ACO1: variants seen among roughly 807,000 people sequenced by gnomAD.
The protein encoded by ACO1 is cytoplasmic aconitate hydratase.
ACO1 carries 78 observed loss-of-function variants against 105.1 expected under a neutral mutation model. That is an observed-to-expected ratio of 0.74 (90% CI 0.62 to 0.90). ACO1 has a LOEUF of 0.90. ACO1 is among the 40% of genes least tolerant of loss of function. The pLI is 0.00. For synonymous variants in ACO1, 364 were observed against 397.4 expected (o/e 0.92, Z 1.00); for missense variants, 965 against 1,111.1 (o/e 0.87, Z 1.87).
chr9:32,444,222 C>T (rs1822548362), intron 19 of ACO1, among the ~76,000 whole-genome samples: 1 of 152,190 alleles, frequency 6.6e-6, no homozygotes, highest in Non-Finnish European at 1.5e-5. Context: ...GTCTATCAAT[C>T]ATTGATGGGC....
chr9:32,426,979 TAA>T (rs35503711), intron 11 of ACO1, among the ~76,000 whole-genome samples: 2,323 of 150,938 alleles, frequency 0.015, 61 homozygotes, highest in African/African-American at 0.054. Context: ...ATTTTCCCTC[TAA>T]AAAAAAAATT....
At chr9:32,448,684 C>G (rs1822679321) in intron 19 of ACO1, among the ~76,000 whole-genome samples, 2 of 152,230 alleles carry the variant, frequency 1.3e-5, no homozygotes, top group African/African-American at 2.4e-5. Context: ...ATGGGCTGCA[C>G]CCACTGTCCA....
At chr9:32,385,186 GA>G (rs1263068730) in intron 1 of ACO1, among the ~76,000 whole-genome samples, 1 of 152,240 alleles carries the variant, frequency 6.6e-6, no homozygotes, top group African/African-American at 2.4e-5. Flanking sequence ...AAAATGGGAT[GA>G]GGGGGAAGAG....
chr9:32,421,456 C>T (rs564475296), intron 8 of ACO1, among the ~76,000 whole-genome samples: 1 of 152,050 alleles, frequency 6.6e-6, no homozygotes, highest in South Asian at 2.1e-4. Context: ...GTGTTCATAC[C>T]CAAGGCTAAT....
intron 20 of ACO1, 43 bp downstream of exon 20, chr9:32,449,124 C>A (rs763035652): frequency 6.5e-7 from 1 of 1,534,156 alleles, no homozygotes; most frequent in Non-Finnish European, 8.7e-7. Flanking sequence ...CGAAAGGGGC[C>A]CCCTCGTTTG....
intron 1 of ACO1, among the ~76,000 whole-genome samples, chr9:32,400,485 T>C (rs1351385158): frequency 1.3e-5 from 2 of 152,176 alleles, no homozygotes; most frequent in Non-Finnish European, 2.9e-5. Context: ...TCTTCACAGC[T>C]CTTTCTCTCT....
chr9:32,443,669 C>T (rs77465798), intron 19 of ACO1, among the ~76,000 whole-genome samples: 3,113 of 152,186 alleles, frequency 0.02, 53 homozygotes, highest in Middle Eastern at 0.041. Context: ...CGCTTTATAA[C>T]GGAAGTCATT....
chr9:32,449,112 G>A, intron 20 of ACO1, 31 bp downstream of exon 20: 1 of 1,553,134 alleles, frequency 6.4e-7, no homozygotes, highest in Non-Finnish European at 8.7e-7. Flanking sequence ...GCCAGGCCCT[G>A]TCGAAAGGGG....
At chr9:32,396,355 T>C (rs1222237123) in intron 1 of ACO1, among the ~76,000 whole-genome samples, 1 of 152,166 alleles carries the variant, frequency 6.6e-6, no homozygotes, top group Admixed American at 6.5e-5. Context: ...GTAGGGACTT[T>C]GATAAACTAC....
At chr9:32,395,828 A>G (rs1162400216) in intron 1 of ACO1, among the ~76,000 whole-genome samples, 1 of 152,254 alleles carries the variant, frequency 6.6e-6, no homozygotes, top group Non-Finnish European at 1.5e-5. Context: ...CAGTGACACT[A>G]AAAAGTAAAA....
rs577962329 is a variant in ACO1 at position 32,442,853 on chromosome 9, A to G, written c.2370+2266A>G. Among the ~76,000 whole-genome samples the G allele has an allele frequency of 2.6e-5, 4 of 152,340 alleles. No homozygotes were observed. In the South Asian group the frequency reaches 8.3e-4, roughly 32 times the overall value. On this transcript the variant is annotated intron_variant, in intron 19 of 20. Coordinates refer to ENST00000309951, the MANE Select transcript of ACO1 (RefSeq NM_002197.3). ...CTGACTCCCTGGGTAAAGGGGGACA[A>G]TAAGGGCATCTACATCCCCGGGTTA...
At chr9:32,387,748 G>C (rs1232075323) in intron 1 of ACO1, among the ~76,000 whole-genome samples, 1 of 152,192 alleles carries the variant, frequency 6.6e-6, no homozygotes, top group Non-Finnish European at 1.5e-5. Context: ...CTCTGGTGTT[G>C]AAGCACGAAA....
At chr9:32,435,069 C>T (rs1296577300) in intron 17 of ACO1, among the ~76,000 whole-genome samples, 3 of 152,186 alleles carry the variant, frequency 2.0e-5, no homozygotes, top group African/African-American at 7.2e-5. Flanking sequence ...GTTGAGAAAC[C>T]TAACGTTTAC....
intron 1 of ACO1, among the ~76,000 whole-genome samples, chr9:32,397,339 G>A (rs990329568): frequency 6.6e-6 from 1 of 152,138 alleles, no homozygotes; most frequent in Non-Finnish European, 1.5e-5. Flanking sequence ...ATAGGTTTTT[G>A]TTTTATGAAC....
intron 8 of ACO1, among the ~76,000 whole-genome samples, chr9:32,421,621 C>G (rs556791047): frequency 6.6e-6 from 1 of 152,146 alleles, no homozygotes; most frequent in South Asian, 2.1e-4. Context: ...CCAAGGCAGG[C>G]AGATCTGACC....
intron 15 of ACO1, among the ~76,000 whole-genome samples, chr9:32,432,948 C>A (rs775362612): frequency 2.6e-5 from 4 of 152,108 alleles, no homozygotes; most frequent in Non-Finnish European, 5.9e-5. Flanking sequence ...GATCAAGTTC[C>A]TCAAGGGCTG....
intron 1 of ACO1, among the ~76,000 whole-genome samples, chr9:32,398,012 CAAACAAA>C (rs903319394): frequency 2.6e-5 from 4 of 152,078 alleles, no homozygotes; most frequent in African/African-American, 9.7e-5. Flanking sequence ...CCAAAACAAA[CAAACAAA>C]AAACAAATTC....
At chr9:32,430,685 A>T in intron 14 of ACO1, 111 bp downstream of exon 14, 1 of 1,204,000 alleles carries the variant, frequency 8.3e-7, no homozygotes, top group Non-Finnish European at 1.1e-6. Flanking sequence ...CAGGGATAAG[A>T]CAAAGAAGAG....
rs1420609366 is a variant in ACO1, at chr9:32,430,492, C to T, written c.1644C>T (p.Ala548=). ...FEGRVHPNTR[A]NYLASPPLVI... ...GTCGAGTTCACCCCAACACCCGGGC[C>T]AACTATTTAGCCTCTCCCCCCTTAG... is the stretch of plus-strand genomic sequence containing the variant. Residue 548 remains alanine, a synonymous_variant, in exon 14 of 21, where the codon GCC becomes GCT. Coordinates refer to ENST00000309951, the MANE Select transcript of ACO1 (RefSeq NM_002197.3). 4 of 1,612,278 alleles carry T rather than the reference C, an allele frequency of 2.5e-6. No homozygotes were observed. In the South Asian group the frequency reaches 4.4e-5, roughly 18 times the overall value.
Sources: gnomAD v4.1 joint callset for allele counts (sites outside exome capture counted in the v4.1 genomes callset) on GRCh38, gnomAD v4.1.1 for gene constraint, MANE v1.5 for transcripts, NCBI Gene and HGNC (gene_info 2026-07-23, HGNC 2026-07-21) for gene names.